SUPT3H: variants seen among roughly 807,000 people sequenced by gnomAD.
SUPT3H encodes SPT3 homolog, SAGA and STAGA complex component.
Under a neutral mutation model 44.3 loss-of-function variants are expected in SUPT3H, and 44 were observed. The ratio of observed to expected loss-of-function variants is 0.99; its 90% CI spans 0.78 to 1.28. The LOEUF is 1.28. Among genes scored for constraint, SUPT3H ranks in the 50% most tolerant of loss-of-function variants. The probability of loss-of-function intolerance (pLI) is 0.00; values close to 1 mark genes in which losing one functional copy is unlikely to be tolerated. For missense variants in SUPT3H, 380 were observed against 387.1 expected (o/e 0.98, Z 0.15); for synonymous variants, 124 against 125.6 (o/e 0.99, Z 0.09).
intron 10 of SUPT3H, among the ~76,000 whole-genome samples, chr6:44,927,913 G>A (rs181439024): frequency 4.2e-4 from 64 of 152,134 alleles, no homozygotes; most frequent in Non-Finnish European, 6.8e-4. Flanking sequence ...TGAGTGGAAT[G>A]GTTTCCGCTT....
chr6:45,296,896 AT>A (rs1781363983), intron 2 of SUPT3H, among the ~76,000 whole-genome samples: 1 of 150,052 alleles, frequency 6.7e-6, no homozygotes, highest in African/African-American at 2.5e-5. Context: ...TGCACTCTGC[AT>A]TCCAGCCTGG....
chr6:45,089,650 T>C (rs766655389), intron 3 of SUPT3H, among the ~76,000 whole-genome samples: 27 of 149,296 alleles, frequency 1.8e-4, no homozygotes, highest in South Asian at 1.5e-3. Context: ...CCTGAATTCC[T>C]GAACCCATGA....
Position 44,950,640 on chromosome 6 carries a change from A to G in SUPT3H, c.801+2670T>C, listed in dbSNP as rs1774136296. Among the ~76,000 whole-genome samples the G allele has an allele frequency of 2.0e-5, 3 of 152,088 alleles. No individual in the cohort carries two copies. In the South Asian group the frequency reaches 6.2e-4, roughly 32 times the overall value. On this transcript the variant is annotated intron_variant, in intron 9 of 10. Transcript: ENST00000371459. ...TAGAAAGTTAACTTGAATTAATATT[A>G]AACTTGCTAATCTAGTAAGAACCCA... is the stretch of plus-strand genomic sequence containing the variant.
chr6:45,250,424 A>C (rs1189345550), intron 2 of SUPT3H, among the ~76,000 whole-genome samples: 3 of 151,962 alleles, frequency 2.0e-5, no homozygotes, highest in African/African-American at 4.8e-5. Flanking sequence ...TTACAAATTA[A>C]AATTTTGACT....
chr6:45,069,286 T>C (rs1471149483), intron 3 of SUPT3H, among the ~76,000 whole-genome samples: 1 of 152,184 alleles, frequency 6.6e-6, no homozygotes, highest in Non-Finnish European at 1.5e-5. Context: ...AACAACATTC[T>C]AGGACTCTGA....
At chr6:44,893,414 T>TC (rs1406540294) in intron 10 of SUPT3H, among the ~76,000 whole-genome samples, 1 of 151,918 alleles carries the variant, frequency 6.6e-6, no homozygotes, top group Non-Finnish European at 1.5e-5. Context: ...AGTGTGATGT[T>TC]CCCCTTCCTG....
intron 2 of SUPT3H, among the ~76,000 whole-genome samples, chr6:45,272,770 C>G (rs906970390): frequency 1.5e-5 from 2 of 132,824 alleles, no homozygotes; most frequent in African/African-American, 5.8e-5. Flanking sequence ...AAAGCTTTGG[C>G]TGACTTTCTC....
At chr6:45,296,663 C>G (rs534055795) in intron 2 of SUPT3H, among the ~76,000 whole-genome samples, 1 of 133,838 alleles carries the variant, frequency 7.5e-6, no homozygotes, top group African/African-American at 2.8e-5. Context: ...CACTTGAACC[C>G]GGGACACGGA....
At chr6:44,866,211 G>A (rs2153427788) in intron 10 of SUPT3H, among the ~76,000 whole-genome samples, 1 of 151,502 alleles carries the variant, frequency 6.6e-6, no homozygotes, top group East Asian at 1.9e-4. Flanking sequence ...TGATTCCTAT[G>A]GGATAAATGA....
At chr6:45,016,738 T>C (rs1340446676) in intron 4 of SUPT3H, among the ~76,000 whole-genome samples, 1 of 152,098 alleles carries the variant, frequency 6.6e-6, no homozygotes, top group Non-Finnish European at 1.5e-5. Context: ...TAATCCAGTC[T>C]ATCATTGTTG....
intron 6 of SUPT3H, among the ~76,000 whole-genome samples, chr6:44,990,209 C>G (rs1279926961): frequency 6.6e-6 from 1 of 151,744 alleles, no homozygotes; most frequent in Non-Finnish European, 1.5e-5. Context: ...TGGATATTCA[C>G]TTTTACCAAC....
chr6:45,286,040 C>A (rs1372697688), intron 2 of SUPT3H, among the ~76,000 whole-genome samples: 1 of 142,302 alleles, frequency 7.0e-6, no homozygotes, highest in African/African-American at 2.7e-5. Flanking sequence ...ACTGGCTAGC[C>A]ATATGTAGAA....
intron 1 of SUPT3H, among the ~76,000 whole-genome samples, chr6:45,368,929 AT>A (rs1411298430): frequency 5.3e-5 from 8 of 152,176 alleles, no homozygotes; most frequent in Admixed American, 2.0e-4. Context: ...GTTTAAAAAA[AT>A]AATCAGGTTA....
At chr6:45,338,009 T>A (rs575570509) in intron 2 of SUPT3H, among the ~76,000 whole-genome samples, 3 of 152,118 alleles carry the variant, frequency 2.0e-5, no homozygotes, top group Admixed American at 2.0e-4. Context: ...ACATTAATCA[T>A]GGAACCTATA....
chr6:45,211,991 C>G (rs534215195), intron 2 of SUPT3H, among the ~76,000 whole-genome samples: 2 of 152,120 alleles, frequency 1.3e-5, no homozygotes, highest in Admixed American at 1.3e-4. Flanking sequence ...TAGCAAAACC[C>G]CATCTCTACT....
intron 4 of SUPT3H, 70 bp from the exon 5 acceptor site, chr6:45,014,961 T>A: frequency 1.1e-6 from 1 of 879,602 alleles, no homozygotes; most frequent in Non-Finnish European, 1.6e-6. Flanking sequence ...TAAAGACTAC[T>A]ATAACCAAAT....
At chr6:44,853,186 C>T (rs1214034643) in intron 10 of SUPT3H, among the ~76,000 whole-genome samples, 3 of 152,154 alleles carry the variant, frequency 2.0e-5, no homozygotes, top group Non-Finnish European at 4.4e-5. Flanking sequence ...TGCTATTAGA[C>T]AGGTGCTTTC....
intron 1 of SUPT3H, among the ~76,000 whole-genome samples, chr6:45,369,729 T>C (rs1368418831): frequency 2.6e-5 from 4 of 152,192 alleles, no homozygotes; most frequent in African/African-American, 7.2e-5. Flanking sequence ...GGTAGGGATA[T>C]AGTAGTGACT....
intron 3 of SUPT3H, among the ~76,000 whole-genome samples, chr6:45,061,975 TACAC>T (rs1269613276): frequency 1.3e-5 from 2 of 150,122 alleles, no homozygotes; most frequent in African/African-American, 2.4e-5. Context: ...TATGAACACT[TACAC>T]ACTAAAACAC....
Sources: gnomAD v4.1 joint callset for allele counts (sites outside exome capture counted in the v4.1 genomes callset) on GRCh38, gnomAD v4.1.1 for gene constraint, MANE v1.5 for transcripts, NCBI Gene and HGNC (gene_info 2026-07-23, HGNC 2026-07-21) for gene names.